The following PCSK5 variants were observed in gnomAD, a reference collection of about 807,000 sequenced individuals.
PCSK5 encodes the protein proprotein convertase subtilisin/kexin type 5.
A neutral mutation model predicts 233.2 loss-of-function variants in PCSK5; 129 were observed. The ratio of observed to expected loss-of-function variants is 0.55; its 90% CI spans 0.48 to 0.64. The LOEUF (loss-of-function observed/expected upper bound fraction) is 0.64, where lower values mean the gene tolerates loss of function less well. Among genes scored for constraint, PCSK5 ranks in the 30% least tolerant of loss-of-function variants. The pLI, the probability that PCSK5 is intolerant of heterozygous loss-of-function variation, is 0.00. For missense variants in PCSK5, 2,076 were observed against 2,430.1 expected (o/e 0.85, Z 3.06); for synonymous variants, 825 against 879.2 (o/e 0.94, Z 1.09).
intron 2 of PCSK5, among the ~76,000 whole-genome samples, chr9:75,948,119 TTA>T (rs1222668472): frequency 3.9e-5 from 6 of 152,120 alleles, no homozygotes; most frequent in Non-Finnish European, 8.8e-5. Flanking sequence ...AGTGTTGGAA[TTA>T]TAGGCATGAG....
chr9:75,898,568 A>G (rs1235318441), intron 1 of PCSK5, among the ~76,000 whole-genome samples: 1 of 151,780 alleles, frequency 6.6e-6, no homozygotes, highest in Non-Finnish European at 1.5e-5. Flanking sequence ...GGAGATGTTG[A>G]CCTTTGATGG....
chr9:76,032,284 C>T (rs1053140376), intron 5 of PCSK5, among the ~76,000 whole-genome samples: 11 of 152,124 alleles, frequency 7.2e-5, no homozygotes, highest in South Asian at 2.1e-4. Context: ...TTCATTAAGA[C>T]GCTGCTTGGC....
intron 37 of PCSK5, among the ~76,000 whole-genome samples, chr9:76,357,025 G>T (rs1052766803): frequency 2.6e-5 from 4 of 152,060 alleles, no homozygotes; most frequent in African/African-American, 4.8e-5. Flanking sequence ...CATGTGGTGG[G>T]TTAAAGAATA....
At position 75,891,100 on chromosome 9, in the gene PCSK5, C is replaced by A; in HGVS notation, c.-82C>A. On this transcript the variant is annotated 5_prime_UTR_variant, in exon 1 of 38. Coordinates refer to ENST00000674117, the MANE Select transcript of PCSK5 (RefSeq NM_001372043.1). ...CGGCCCGGGGCTGCTCGCCGGGCGG[C>A]GCAGGCCGGAGAAGTTAGTTGTGCG... 1 of 1,119,668 alleles carries A rather than the reference C, an allele frequency of 8.9e-7. No individual in the cohort carries two copies. Among genetic ancestry groups the A allele is most frequent in the Non-Finnish European group, 1.2e-6 (1 of 855,036 alleles). The allele number at this position is 1,119,668 out of a possible 1,614,324, so 69.4% of individuals were successfully genotyped here.
At chr9:76,289,496 C>CGCAACAT (rs1431132283) in intron 24 of PCSK5, among the ~76,000 whole-genome samples, 11,813 of 131,248 alleles carry the variant, frequency 0.09, 568 homozygotes, top group Non-Finnish European at 0.098. Flanking sequence ...CACACACACA[C>CGCAACAT]ACACACACAC....
chr9:76,332,653 C>A, intron 34 of PCSK5, 43 bp downstream of exon 34: 1 of 1,361,784 alleles, frequency 7.3e-7, no homozygotes, highest in Non-Finnish European at 1.0e-6. Context: ...TTCACAGCCA[C>A]AGCAGATATC....
At chr9:75,973,266 A>G (rs1389350490) in intron 2 of PCSK5, among the ~76,000 whole-genome samples, 5 of 152,174 alleles carry the variant, frequency 3.3e-5, no homozygotes, top group South Asian at 4.2e-4. Context: ...CAACATCTAC[A>G]TTATTTATGC....
At chr9:76,033,064 C>G (rs1197752066) in intron 5 of PCSK5, among the ~76,000 whole-genome samples, 1 of 152,172 alleles carries the variant, frequency 6.6e-6, no homozygotes, top group Non-Finnish European at 1.5e-5. Context: ...TCTTTAGTTT[C>G]TTGTCACACA....
At chr9:75,890,240 G>A (rs924800725), upstream of PCSK5, among the ~76,000 whole-genome samples, 1 of 152,196 alleles carries the variant, frequency 6.6e-6, no homozygotes, top group African/African-American at 2.4e-5. Context: ...AAGAATTAAC[G>A]AAGTGAAAAT....
rs1045909538 is a variant in PCSK5, at chr9:76,140,514, G to A, written c.1312+6302G>A. Among the ~76,000 whole-genome samples, 3 of 110,236 alleles carry A rather than the reference G, an allele frequency of 2.7e-5. No individual in the cohort carries two copies. In the Admixed American group the frequency reaches 3.2e-4, roughly 12 times the overall value. 72.3% of individuals were successfully genotyped at this position (110,236 alleles called of 152,430 possible). ...CATGAAGCTTTCTACTCCCTGAAAT[G>A]AGAATAAAGATGCGGAACTGTGATG... is the stretch of plus-strand genomic sequence containing the variant. On this transcript the variant is annotated intron_variant, in intron 10 of 37. Transcript: ENST00000674117.
intron 8 of PCSK5, among the ~76,000 whole-genome samples, chr9:76,104,826 G>T (rs1189597949): frequency 1.1e-5 from 1 of 93,246 alleles, no homozygotes; most frequent in Non-Finnish European, 2.2e-5. Context: ...CTTGGACAAA[G>T]GAATGTGACC....
chr9:76,149,551 A>T (rs748230982), intron 10 of PCSK5, among the ~76,000 whole-genome samples: 1 of 152,228 alleles, frequency 6.6e-6, no homozygotes, highest in African/African-American at 2.4e-5. Flanking sequence ...CCAAAATCCC[A>T]TTTCATTCAT....
chr9:76,333,954 G>A (rs1587344150), intron 34 of PCSK5, among the ~76,000 whole-genome samples: 1 of 152,292 alleles, frequency 6.6e-6, no homozygotes, highest in South Asian at 2.1e-4. Context: ...GGCTGATAAA[G>A]ACATACCCAA....
intron 5 of PCSK5, among the ~76,000 whole-genome samples, chr9:76,055,273 C>T (rs1004968484): frequency 6.6e-6 from 1 of 151,976 alleles, no homozygotes; most frequent in Non-Finnish European, 1.5e-5. Flanking sequence ...CTCTCTTCCC[C>T]CATAACAAAA....
intron 37 of PCSK5, among the ~76,000 whole-genome samples, chr9:76,357,198 T>C (rs182917658): frequency 2.8e-4 from 42 of 152,320 alleles, no homozygotes; most frequent in African/African-American, 9.6e-4. Flanking sequence ...AAACAGAGGC[T>C]GATGGATGAC....
chr9:76,092,802 A>T (rs893702325), intron 7 of PCSK5, among the ~76,000 whole-genome samples: 6 of 152,212 alleles, frequency 3.9e-5, no homozygotes, highest in Non-Finnish European at 7.3e-5. Context: ...TTTTTAGTAC[A>T]CAGTGGACCG....
intron 12 of PCSK5, among the ~76,000 whole-genome samples, chr9:76,161,738 G>A (rs1307491708): frequency 2.0e-5 from 3 of 152,224 alleles, no homozygotes; most frequent in African/African-American, 7.2e-5. Flanking sequence ...CAGGCATTTG[G>A]TGGATTGCAG....
At chr9:76,269,552 C>T (rs1466529860) in intron 24 of PCSK5, among the ~76,000 whole-genome samples, 1 of 152,200 alleles carries the variant, frequency 6.6e-6, no homozygotes, top group East Asian at 1.9e-4. Flanking sequence ...GACAGCATTT[C>T]CACCCGGCAG....
chr9:76,073,070 A>G (rs1830533352), intron 7 of PCSK5, among the ~76,000 whole-genome samples: 1 of 152,218 alleles, frequency 6.6e-6, no homozygotes, highest in African/African-American at 2.4e-5. Flanking sequence ...ATTGCATTCT[A>G]GTGAGTATTC....
Sources: gnomAD v4.1 joint callset for allele counts (sites outside exome capture counted in the v4.1 genomes callset) on GRCh38, gnomAD v4.1.1 for gene constraint, MANE v1.5 for transcripts, NCBI Gene and HGNC (gene_info 2026-07-23, HGNC 2026-07-21) for gene names.